Variants in MRAP2 observed in about 807,000 individuals in gnomAD.
The protein encoded by MRAP2 is melanocortin-2 receptor accessory protein 2.
In MRAP2, 20 loss-of-function variants were observed where a neutral mutation model predicts 17.4. The ratio of observed to expected loss-of-function variants is 1.15; its 90% confidence interval spans 0.81 to 1.67. MRAP2 has a LOEUF of 1.67. Ranked by LOEUF, MRAP2 falls within the 40% of genes most tolerant of loss-of-function variation. The pLI is 0.00. For missense variants in MRAP2, 238 were observed against 240.0 expected, an observed-to-expected ratio of 0.99 and a Z score of 0.05; for synonymous variants, 96 against 88.4, an observed-to-expected ratio of 1.09 and a Z score of -0.48.
the MRAP2 span, among the ~76,000 whole-genome samples, chr6:84,112,129 G>T: frequency 1.3e-5 from 2 of 152,162 alleles, no homozygotes; most frequent in African/African-American, 2.4e-5. Flanking sequence ...AAATGAGTTA[G>T]GGAGGAGTCC....
intron 1 of MRAP2, among the ~76,000 whole-genome samples, 157 bp from the exon 2 acceptor site, chr6:84,055,155 T>C (rs1435112366): frequency 6.6e-6 from 1 of 152,150 alleles, no homozygotes; most frequent in Non-Finnish European, 1.5e-5. Context: ...TGATATGAGG[T>C]GTGAGCAGCT....
At chr6:84,114,182 T>A in the MRAP2 span, among the ~76,000 whole-genome samples, 1 of 152,306 alleles carries the variant, frequency 6.6e-6, no homozygotes, top group African/African-American at 2.4e-5. Flanking sequence ...TTTTCCAACT[T>A]GGTTCCATTC....
the MRAP2 span, among the ~76,000 whole-genome samples, chr6:84,115,600 T>G: frequency 7.2e-5 from 11 of 151,998 alleles, no homozygotes; most frequent in African/African-American, 2.4e-4. Flanking sequence ...GTCTCGCTGG[T>G]GTTCCGGGCA....
intron 1 of MRAP2, among the ~76,000 whole-genome samples, chr6:84,051,528 G>A (rs1013130966): frequency 2.6e-5 from 4 of 152,320 alleles, no homozygotes; most frequent in South Asian, 4.1e-4. Context: ...CTGCACTCCA[G>A]CCTGGGTGAC....
At chr6:84,145,712 T>C in the MRAP2 span, among the ~76,000 whole-genome samples, 3 of 152,134 alleles carry the variant, frequency 2.0e-5, no homozygotes, top group Admixed American at 6.6e-5. Flanking sequence ...GAAATCTTAA[T>C]AAGCTGAAGC....
the MRAP2 span, among the ~76,000 whole-genome samples, chr6:84,118,874 T>C: frequency 2.3e-3 from 348 of 152,388 alleles, no homozygotes; most frequent in Middle Eastern, 6.8e-3. Context: ...AGGTGTGAGA[T>C]AAGGATCCAA....
the MRAP2 span, among the ~76,000 whole-genome samples, chr6:84,121,402 G>A: frequency 1.3e-5 from 2 of 152,144 alleles, no homozygotes; most frequent in Non-Finnish European, 2.9e-5. Context: ...CAAGCACTTT[G>A]GGAGGCCGAG....
chr6:84,046,969 G>T (rs1467942451), intron 1 of MRAP2, among the ~76,000 whole-genome samples: 1 of 151,612 alleles, frequency 6.6e-6, no homozygotes, highest in Non-Finnish European at 1.5e-5. Context: ...ACTTGAAAGG[G>T]AATCCCCACA....
Position 84,089,624 on chromosome 6 carries a change from T to C in MRAP2, c.*143T>C. The C allele has an allele frequency of 1.0e-6, 1 of 965,794 alleles. No individual in the cohort carries two copies. The highest frequency in any genetic ancestry group is 1.5e-6 in the Non-Finnish European group (1 of 660,226). The allele number at this position is 965,794 out of a possible 1,614,324, so 59.8% of individuals were successfully genotyped here. ...CAGAGAGGCAGAGAAGAGACCCCTT[T>C]AGAAGAGAGCTGAGCTGATTAAGCT... On this transcript the variant is annotated 3_prime_UTR_variant, in exon 4 of 4. Transcript: ENST00000257776.
intron 3 of MRAP2, among the ~76,000 whole-genome samples, chr6:84,082,980 G>C (rs535520653): frequency 6.6e-6 from 1 of 150,834 alleles, no homozygotes; most frequent in African/African-American, 2.4e-5. Context: ...TCTCCCTTAC[G>C]TGCCCACCTT....
chr6:84,139,364 T>C, the MRAP2 span, among the ~76,000 whole-genome samples: 2 of 152,226 alleles, frequency 1.3e-5, no homozygotes, highest in African/African-American at 2.4e-5. Context: ...TAAACCAGAG[T>C]TCTAAGCCAC....
chr6:84,067,950 A>G (rs2099495184), intron 3 of MRAP2, among the ~76,000 whole-genome samples: 1 of 152,192 alleles, frequency 6.6e-6, no homozygotes, highest in Non-Finnish European at 1.5e-5. Flanking sequence ...GTTCTTGCTC[A>G]TGAAATCCTT....
At chr6:84,085,411 G>A (rs773486463) in intron 3 of MRAP2, among the ~76,000 whole-genome samples, 3 of 152,156 alleles carry the variant, frequency 2.0e-5, no homozygotes, top group Non-Finnish European at 4.4e-5. Context: ...CATGTCATGG[G>A]ACCGTCAGGA....
chr6:84,099,650 C>T, the MRAP2 span, among the ~76,000 whole-genome samples: 1 of 152,228 alleles, frequency 6.6e-6, no homozygotes, highest in African/African-American at 2.4e-5. Flanking sequence ...ATGTGATGCA[C>T]CTGCTCCCCC....
At chr6:84,065,764 C>T (rs2225244) in intron 3 of MRAP2, among the ~76,000 whole-genome samples, 1 of 151,894 alleles carries the variant, frequency 6.6e-6, no homozygotes, top group Non-Finnish European at 1.5e-5. Flanking sequence ...CTTAGTTGAG[C>T]GTACCATTTA....
chr6:84,068,454 G>A (rs758831402), intron 3 of MRAP2, among the ~76,000 whole-genome samples: 1 of 152,156 alleles, frequency 6.6e-6, no homozygotes, highest in Non-Finnish European at 1.5e-5. Context: ...AGATTGCATT[G>A]AATTTGTAGA....
the MRAP2 span, among the ~76,000 whole-genome samples, chr6:84,140,736 G>A: frequency 6.6e-6 from 1 of 152,026 alleles, no homozygotes; most frequent in African/African-American, 2.4e-5. Context: ...TATTGCCCAG[G>A]CTGGTTTCAA....
chr6:84,131,590 C>A, the MRAP2 span, among the ~76,000 whole-genome samples: 1 of 151,974 alleles, frequency 6.6e-6, no homozygotes, highest in African/African-American at 2.4e-5. Flanking sequence ...GATCCCTTTA[C>A]CATTATGGCC....
At chr6:84,130,069 A>G in the MRAP2 span, among the ~76,000 whole-genome samples, 1 of 152,188 alleles carries the variant, frequency 6.6e-6, no homozygotes, top group Non-Finnish European at 1.5e-5. Context: ...TTTTAGCATG[A>G]ACGGCTGTTG....
Sources: gnomAD v4.1 joint callset for allele counts (sites outside exome capture counted in the v4.1 genomes callset) on GRCh38, gnomAD v4.1.1 for gene constraint, MANE v1.5 for transcripts, NCBI Gene and HGNC (gene_info 2026-07-23, HGNC 2026-07-21) for gene names.